TSGA10: variants seen among roughly 807,000 people sequenced by gnomAD.
TSGA10 encodes the protein testis-specific gene 10 protein.
Under a neutral mutation model 96.6 loss-of-function variants are expected in TSGA10, and 43 were observed. The observed-to-expected ratio is 0.44, with a 90% confidence interval of 0.35 to 0.57. The LOEUF is 0.57. Ranked by LOEUF, TSGA10 falls within the 20% of genes least tolerant of loss-of-function variation. TSGA10 has a pLI of 0.01. For synonymous variants in TSGA10, 229 were observed against 269.9 expected (o/e 0.85, Z 1.48); for missense variants, 703 against 834.4 (o/e 0.84, Z 1.94).
chr2:99,080,847 C>T (rs115066619), intron 11 of TSGA10, among the ~76,000 whole-genome samples: 45 of 152,202 alleles, frequency 3.0e-4, no homozygotes, highest in African/African-American at 1.0e-3. Flanking sequence ...TCTCTATAAA[C>T]CCCAGTAATA....
At chr2:99,141,611 C>T (rs2969375) in intron 1 of TSGA10, 1 of 153,018 alleles carries the variant, frequency 6.5e-6, no homozygotes, top group Non-Finnish European at 1.5e-5. Flanking sequence ...GTCCCGTCTC[C>T]TAGTAACCAG....
intron 17 of TSGA10, among the ~76,000 whole-genome samples, chr2:99,032,765 C>A (rs1293555451): frequency 3.3e-5 from 5 of 152,160 alleles, no homozygotes. Context: ...AAAGGTGGCA[C>A]ATGTTCCTCT....
At chr2:99,105,480 T>A (rs892635907) in intron 8 of TSGA10, 44 bp from the exon 9 acceptor site, 1 of 1,613,720 alleles carries the variant, frequency 6.2e-7, no homozygotes. Flanking sequence ...TCAATATCCC[T>A]GAATTTGTGT....
intron 2 of TSGA10, among the ~76,000 whole-genome samples, chr2:99,123,011 A>T (rs558338967): frequency 2.0e-5 from 3 of 152,238 alleles, no homozygotes; most frequent in East Asian, 3.9e-4. Flanking sequence ...ACCTTCAAGG[A>T]TACTTTCTCT....
chr2:99,065,647 A>G (rs1444870023), intron 15 of TSGA10, among the ~76,000 whole-genome samples: 1 of 152,174 alleles, frequency 6.6e-6, no homozygotes, highest in Admixed American at 6.5e-5. Flanking sequence ...AGCCTTAATT[A>G]TCTTGATCAT....
chr2:99,046,216 A>G (rs925960917), intron 16 of TSGA10, among the ~76,000 whole-genome samples: 4 of 152,314 alleles, frequency 2.6e-5, no homozygotes, highest in South Asian at 2.1e-4. Context: ...CTCTGCACCA[A>G]GCAGACCTAA....
intron 16 of TSGA10, among the ~76,000 whole-genome samples, chr2:99,044,351 CAAA>C (rs57316203): frequency 4.1e-5 from 4 of 98,558 alleles, no homozygotes; most frequent in Non-Finnish European, 6.9e-5. Context: ...AAATGGAAAG[CAAA>C]AAAAAAAAAA....
chr2:99,062,160 C>T (rs1290452222), intron 16 of TSGA10, among the ~76,000 whole-genome samples: 1 of 152,054 alleles, frequency 6.6e-6, no homozygotes, highest in East Asian at 1.9e-4. Flanking sequence ...ATTTATAAGA[C>T]TTGACTGACA....
intron 1 of TSGA10, among the ~76,000 whole-genome samples, chr2:99,152,414 T>G (rs2093702355): frequency 6.6e-6 from 1 of 152,162 alleles, no homozygotes; most frequent in African/African-American, 2.4e-5. Flanking sequence ...AGCCTCCTAG[T>G]AGCTAGGATT....
chr2:99,042,213 T>C (rs1028837198), intron 16 of TSGA10, among the ~76,000 whole-genome samples: 1 of 152,124 alleles, frequency 6.6e-6, no homozygotes, highest in Non-Finnish European at 1.5e-5. Flanking sequence ...GCCAGTGTTA[T>C]ATTGTTCTCT....
At chr2:99,073,403 G>T (rs1428754792) in intron 12 of TSGA10, among the ~76,000 whole-genome samples, 1 of 152,146 alleles carries the variant, frequency 6.6e-6, no homozygotes, top group Non-Finnish European at 1.5e-5. Flanking sequence ...GCAAACCAAT[G>T]GTTTGGCATT....
At chr2:99,045,220 C>G (rs529013205) in intron 16 of TSGA10, among the ~76,000 whole-genome samples, 1 of 152,132 alleles carries the variant, frequency 6.6e-6, no homozygotes, top group Non-Finnish European at 1.5e-5. Flanking sequence ...AAAAACCCTT[C>G]AAAAAATCAC....
At position 99,103,838 on chromosome 2, in the gene TSGA10, C is replaced by T. The variant is rs566759485; in HGVS notation, c.611+129G>A. The T allele has an allele frequency of 2.7e-5, 31 of 1,138,442 alleles. No individual in the cohort carries two copies. The South Asian group carries it at 5.1e-4, about 19-fold the overall frequency. The allele number at this position is 1,138,442 out of a possible 1,614,324, so 70.5% of individuals were successfully genotyped here. A position where few individuals can be genotyped will look rare whatever the true frequency, so the allele number is the denominator to read the frequency against. Reference sequence around the variant, plus strand: ...ATTGTTCACTGTGTGCCAAGGGTTCCTACAACTGCTTTTCAATAATCCTCT... The same window carrying T: ...ATTGTTCACTGTGTGCCAAGGGTTCTTACAACTGCTTTTCAATAATCCTCT... On this transcript the variant is annotated intron_variant, in intron 10 of 20. Transcript: ENST00000393483.
intron 10 of TSGA10, among the ~76,000 whole-genome samples, chr2:99,093,063 TG>T (rs2089548741): frequency 6.6e-6 from 1 of 152,118 alleles, no homozygotes; most frequent in Admixed American, 6.5e-5. Context: ...CATGATCAAG[TG>T]GGTTTCAAAC....
intron 16 of TSGA10, among the ~76,000 whole-genome samples, chr2:99,037,161 C>G (rs1255410354): frequency 2.0e-5 from 3 of 152,158 alleles, no homozygotes; most frequent in Non-Finnish European, 4.4e-5. Flanking sequence ...TAGATATTTA[C>G]AGAGTACTTT....
chr2:99,079,952 CCG>C (rs775570830), intron 11 of TSGA10, among the ~76,000 whole-genome samples: 17 of 152,246 alleles, frequency 1.1e-4, no homozygotes, highest in African/African-American at 3.9e-4. Context: ...TTAAGACAAC[CCG>C]CATGTTTTGT....
chr2:98,997,619 C>T lies in TSGA10; in HGVS notation c.*578G>A, dbSNP rs1241906893. The T allele has an allele frequency of 6.6e-6, 1 of 152,092 alleles. No homozygotes were observed. Among genetic ancestry groups the T allele is most frequent in the African/African-American group, 2.4e-5 (1 of 41,434 alleles). 9.4% of individuals were successfully genotyped at this position (152,092 alleles called of 1,614,324 possible). On this transcript the variant is annotated 3_prime_UTR_variant, in exon 21 of 21. Coordinates refer to ENST00000393483, the MANE Select transcript of TSGA10 (RefSeq NM_025244.4). ...ACACAATTGTAGAATATGTATGTTA[C>T]TTAGTCTTTGAGTGGTACAATACTA...
intron 10 of TSGA10, among the ~76,000 whole-genome samples, chr2:99,087,437 C>T (rs534083816): frequency 8.5e-5 from 13 of 152,206 alleles, no homozygotes; most frequent in South Asian, 8.3e-4. Flanking sequence ...ACCCGGGAGG[C>T]GGAGGTTGCA....
Position 99,130,290 on chromosome 2 carries a change from T to A in TSGA10, c.-620-3114A>T, listed in dbSNP as rs555314143. Among the ~76,000 whole-genome samples, 21 of 152,350 alleles carry A rather than the reference T, an allele frequency of 1.4e-4. No individual in the cohort carries two copies. The South Asian group carries it at 2.5e-3, about 18-fold the overall frequency. ...ATTTCTCCACAACTTCTCCAGCATC[T>A]GCTGTTTCCCGACTTTTTAATGATC... On this transcript the variant is annotated intron_variant, in intron 1 of 20. Coordinates refer to ENST00000393483, the MANE Select transcript of TSGA10 (RefSeq NM_025244.4).
Sources: allele counts gnomAD v4.1 joint callset (sites outside exome capture counted in the v4.1 genomes callset), GRCh38; gene constraint gnomAD v4.1.1; transcripts MANE v1.5; gene names NCBI Gene and HGNC (gene_info 2026-07-23, HGNC 2026-07-21).